ABLIM2: variants seen among roughly 807,000 people sequenced by gnomAD.
The protein encoded by ABLIM2 is actin binding LIM protein family member 2, also known as actin-binding LIM protein 2.
A neutral mutation model predicts 97.7 loss-of-function variants in ABLIM2; 53 were observed. That is an observed-to-expected ratio of 0.54 (90% CI 0.44 to 0.68). The LOEUF (loss-of-function observed/expected upper bound fraction) is 0.68. Among genes scored for constraint, ABLIM2 ranks in the 30% least tolerant of loss-of-function variants. The pLI is 0.00. For missense variants in ABLIM2, 835 were observed against 867.2 expected, an observed-to-expected ratio of 0.96 and a Z score of 0.47; for synonymous variants, 361 against 345.8, an observed-to-expected ratio of 1.04 and a Z score of -0.49.
At chr4:8,056,931 CAAAAAAAAAAAA>C (rs10584281) in intron 7 of ABLIM2, among the ~76,000 whole-genome samples, 1 of 43,104 alleles carries the variant, frequency 2.3e-5, no homozygotes, top group Non-Finnish European at 3.8e-5. Context: ...AACTCCGTCT[CAAAAAAAAAAAA>C]AAAAAAAAAA....
At position 8,082,091 on chromosome 4, in the gene ABLIM2, G is replaced by A. The variant is rs1319480439; in HGVS notation, c.455-1289C>T. ...GGGGGCATGACAAGGGAAGGGCCTC[G>A]GACCCCGTAATGGACAGGGAGGAAG... On this transcript the variant is annotated intron_variant, in intron 4 of 20. Transcript: ENST00000447017. The surrounding 1 kb of genome is among the most constrained non-coding windows in gnomAD (Gnocchi z 5.6). Among the ~76,000 whole-genome samples the A allele has an allele frequency of 6.6e-6, 1 of 152,128 alleles. No individual in the cohort carries two copies. Among genetic ancestry groups the A allele is most frequent in the African/African-American group, 2.4e-5 (1 of 41,418 alleles).
At chr4:8,154,448 A>AT (rs1160104986) in intron 1 of ABLIM2, among the ~76,000 whole-genome samples, 3 of 135,012 alleles carry the variant, frequency 2.2e-5, no homozygotes, top group South Asian at 2.4e-4. Context: ...CACCCAGCTA[A>AT]TTTTTGTATT....
At position 8,071,929 on chromosome 4, in the gene ABLIM2, C is replaced by G. The variant is rs1482725281; in HGVS notation, c.675+5699G>C. ...GAGTCCACTGTCACCCAGCGGGGCACCGGCACACTGGGCCGAGCATCAGGC... is the reference window on the plus strand; with the variant it reads ...GAGTCCACTGTCACCCAGCGGGGCAGCGGCACACTGGGCCGAGCATCAGGC... On this transcript the variant is annotated intron_variant, in intron 6 of 20. Coordinates refer to ENST00000447017, the MANE Select transcript of ABLIM2 (RefSeq NM_001130083.2). The surrounding 1 kb of genome is among the most constrained non-coding windows in gnomAD (Gnocchi z 6.2). 2 of 985,330 alleles carry G rather than the reference C, an allele frequency of 2.0e-6. No homozygotes were observed. The highest frequency in any genetic ancestry group is 1.7e-5 in the African/African-American group (1 of 57,230). The allele number at this position is 985,330 out of a possible 1,614,324, so 61.0% of individuals were successfully genotyped here.
chr4:8,128,319 T>C lies in ABLIM2; in HGVS notation c.11-21682A>G, dbSNP rs530626752. Among the ~76,000 whole-genome samples, 1 of 152,286 alleles carries C rather than the reference T, an allele frequency of 6.6e-6. No homozygotes were observed. The highest frequency in any genetic ancestry group is 2.4e-5 in the African/African-American group (1 of 41,560). On this transcript the variant is annotated intron_variant, in intron 1 of 20. Transcript: ENST00000447017. This position sits in a 1 kb window ranked among gnomAD's most constrained non-coding sequence, Gnocchi z 4.9. ...ACGGAAACACCCAAACAAGGTCACA[T>C]TCAGAGCTTCCAGGTGGGTGGGGCC...
In ABLIM2 at chr4:7,998,603, C is replaced by T; in HGVS notation, c.1619-5676G>A. ...CACTCCCAGGACTGCGGGGTGCCTG[C>T]TGGCCACCTGCCCATCTGCTAGTGT... On this transcript the variant is annotated intron_variant, in intron 16 of 20. Coordinates refer to ENST00000447017, the MANE Select transcript of ABLIM2 (RefSeq NM_001130083.2). The surrounding 1 kb of genome is among the most constrained non-coding windows in gnomAD (Gnocchi z 6.4). The T allele has an allele frequency of 2.0e-6, 1 of 492,622 alleles. No homozygotes were observed. The highest frequency in any genetic ancestry group is 4.1e-6 in the Non-Finnish European group (1 of 246,834). 30.5% of individuals were successfully genotyped at this position (492,622 alleles called of 1,614,324 possible). A position where few individuals can be genotyped will look rare whatever the true frequency, so the allele number is the denominator to read the frequency against.
Position 7,998,501 on chromosome 4 carries a change from G to A in ABLIM2, c.1619-5574C>T. On this transcript the variant is annotated intron_variant, in intron 16 of 20. Coordinates refer to ENST00000447017, the MANE Select transcript of ABLIM2 (RefSeq NM_001130083.2). This position sits in a 1 kb window ranked among gnomAD's most constrained non-coding sequence, Gnocchi z 6.4. Reference sequence around the variant, plus strand: ...CCGGTGCTGCCTGTGGGGATAAAATGCCCTTCTTGGGGTGTCCTGTGTCGC... The same window carrying A: ...CCGGTGCTGCCTGTGGGGATAAAATACCCTTCTTGGGGTGTCCTGTGTCGC... The A allele has an allele frequency of 2.3e-6, 1 of 426,458 alleles. No individual in the cohort carries two copies. The highest frequency in any genetic ancestry group is 4.8e-6 in the Non-Finnish European group (1 of 207,422). 26.4% of individuals were successfully genotyped at this position (426,458 alleles called of 1,614,324 possible).
Position 8,122,047 on chromosome 4 carries a change from C to T in ABLIM2, c.11-15410G>A, listed in dbSNP as rs549116777. 1.3e-3 allele frequency among the ~76,000 whole-genome samples: 200 copies of T among 152,332 alleles called. No individual in the cohort carries two copies. Among genetic ancestry groups the T allele is most frequent in the African/African-American group, 4.5e-3 (189 of 41,578 alleles). On this transcript the variant is annotated intron_variant, in intron 1 of 20. Coordinates refer to ENST00000447017, the MANE Select transcript of ABLIM2 (RefSeq NM_001130083.2). This position sits in a 1 kb window ranked among gnomAD's most constrained non-coding sequence, Gnocchi z 4.1. ...ACCCCACTCTCTCTCCAGGCAGCTG[C>T]TGTGGTACATGTCCCCAGTGCAGGG...
At chr4:7,980,946 T>TTTTTTTTTTATTTTTTTTA (rs1737799221) in intron 20 of ABLIM2, among the ~76,000 whole-genome samples, 1 of 123,794 alleles carries the variant, frequency 8.1e-6, no homozygotes, top group South Asian at 2.7e-4. Context: ...CCCTTATTTT[T>TTTTTTTTTTATTTTTTTTA]TTTTTTTTTT....
chr4:7,974,249 A>G (rs1730737177), intron 20 of ABLIM2, among the ~76,000 whole-genome samples: 1 of 151,468 alleles, frequency 6.6e-6, no homozygotes, highest in Non-Finnish European at 1.5e-5. Flanking sequence ...CTATCCATCC[A>G]TTCACCTATC....
intron 2 of ABLIM2, among the ~76,000 whole-genome samples, chr4:8,105,266 G>A (rs1245483020): frequency 2.7e-5 from 4 of 149,560 alleles, no homozygotes; most frequent in East Asian, 1.9e-4. Context: ...TTCCCTGTGG[G>A]CATCCCCCCC....
At chr4:8,114,280 C>T (rs917142608) in intron 1 of ABLIM2, among the ~76,000 whole-genome samples, 1 of 151,824 alleles carries the variant, frequency 6.6e-6, no homozygotes, top group African/African-American at 2.4e-5. Flanking sequence ...CATGGGGCCA[C>T]ACACACCCTG....
At chr4:8,116,763 T>C (rs1020811687) in intron 1 of ABLIM2, among the ~76,000 whole-genome samples, 1 of 152,160 alleles carries the variant, frequency 6.6e-6, no homozygotes, top group Non-Finnish European at 1.5e-5. Context: ...TCTGGAAGGT[T>C]AGGTGGCTCA....
At position 8,004,653 on chromosome 4, in the gene ABLIM2, C is replaced by T. The variant is rs574902658; in HGVS notation, c.1618+3406G>A. On this transcript the variant is annotated intron_variant, in intron 16 of 20. Transcript: ENST00000447017. The surrounding 1 kb of genome is among the most constrained non-coding windows in gnomAD (Gnocchi z 5.9). ...CCCAAGCAGCAGCAGGCCCTACTGC[C>T]GGGGACACGGAGTCCACACCACCTT... is the stretch of plus-strand genomic sequence containing the variant. Among the ~76,000 whole-genome samples, 16 of 152,208 alleles carry T rather than the reference C, an allele frequency of 1.1e-4. No individual in the cohort carries two copies. In the East Asian group the frequency reaches 1.5e-3, roughly 15 times the overall value.
At chr4:8,065,533 A>G (rs924270172) in intron 6 of ABLIM2, among the ~76,000 whole-genome samples, 1 of 152,226 alleles carries the variant, frequency 6.6e-6, no homozygotes, top group South Asian at 2.1e-4. Flanking sequence ...TGTGGAAGAC[A>G]GTGTATTGGT....
At position 7,996,031 on chromosome 4, in the gene ABLIM2, C is replaced by G. The variant is rs540148991; in HGVS notation, c.1619-3104G>C. Among the ~76,000 whole-genome samples, 1 of 152,184 alleles carries G rather than the reference C, an allele frequency of 6.6e-6. No individual in the cohort carries two copies. The highest frequency in any genetic ancestry group is 1.9e-4 in the East Asian group (1 of 5,184). ...CTGGGGTCCTCCAGGAGACACCTTC[C>G]TCCTCCTTCATGCCCAGAGCCAGGC... On this transcript the variant is annotated intron_variant, in intron 16 of 20. Coordinates refer to ENST00000447017, the MANE Select transcript of ABLIM2 (RefSeq NM_001130083.2). The surrounding 1 kb of genome is among the most constrained non-coding windows in gnomAD (Gnocchi z 4.5).
rs902117130 is a variant in ABLIM2 at position 8,043,141 on chromosome 4, G to C, written c.900+2023C>G. ...CACTCCAGCCTGGGCGACAGAGCCAGACCTTGTCTCAAAACCAAAACTAAA... is the reference window on the plus strand; with the variant it reads ...CACTCCAGCCTGGGCGACAGAGCCACACCTTGTCTCAAAACCAAAACTAAA... On this transcript the variant is annotated intron_variant, in intron 9 of 20. Coordinates refer to ENST00000447017, the MANE Select transcript of ABLIM2 (RefSeq NM_001130083.2). The surrounding 1 kb of genome is among the most constrained non-coding windows in gnomAD (Gnocchi z 4.8). Among the ~76,000 whole-genome samples the C allele has an allele frequency of 6.6e-6, 1 of 152,158 alleles. No individual in the cohort carries two copies. The highest frequency in any genetic ancestry group is 2.4e-5 in the African/African-American group (1 of 41,444).
rs1181372640 is a variant in ABLIM2 at position 8,001,577 on chromosome 4, G to T, written c.1618+6482C>A. On this transcript the variant is annotated intron_variant, in intron 16 of 20. Coordinates refer to ENST00000447017, the MANE Select transcript of ABLIM2 (RefSeq NM_001130083.2). This position sits in a 1 kb window ranked among gnomAD's most constrained non-coding sequence, Gnocchi z 4.2. ...TGGAGCTCCCTCTGCTCTCTCTGGG[G>T]GCTCAGAGAGCACCCTGCCTGCCCA... is the stretch of plus-strand genomic sequence containing the variant. Among the ~76,000 whole-genome samples, 1 of 152,024 alleles carries T rather than the reference G, an allele frequency of 6.6e-6. No individual in the cohort carries two copies. The highest frequency in any genetic ancestry group is 1.9e-4 in the East Asian group (1 of 5,168).
chr4:8,035,253 C>T (rs1222343203), intron 10 of ABLIM2, among the ~76,000 whole-genome samples: 1 of 152,070 alleles, frequency 6.6e-6, no homozygotes, highest in Non-Finnish European at 1.5e-5. Context: ...GCCCTGAGCT[C>T]TTCTCACCCT....
At chr4:8,109,417 G>A (rs1383770126) in intron 1 of ABLIM2, among the ~76,000 whole-genome samples, 1 of 152,236 alleles carries the variant, frequency 6.6e-6, no homozygotes, top group Non-Finnish European at 1.5e-5. Context: ...AAATGCCAGC[G>A]CTGATTGAGC....
Sources: allele counts gnomAD v4.1 joint callset (sites outside exome capture counted in the v4.1 genomes callset), GRCh38; gene constraint gnomAD v4.1.1; non-coding constraint Gnocchi (gnomAD v3.1); transcripts MANE v1.5; gene names NCBI Gene and HGNC (gene_info 2026-07-23, HGNC 2026-07-21).